PWWP3A: variants seen among roughly 807,000 people sequenced by gnomAD.
The protein encoded by PWWP3A is PWWP domain containing 3A, DNA repair factor, also known as PWWP domain-containing DNA repair factor 3A.
Under a neutral mutation model 79.0 loss-of-function variants are expected in PWWP3A, and 53 were observed. That is an observed-to-expected ratio of 0.67 (90% CI 0.54 to 0.84). The LOEUF (loss-of-function observed/expected upper bound fraction) is 0.84. Ranked by LOEUF, PWWP3A falls within the 40% of genes least tolerant of loss-of-function variation. PWWP3A has a pLI of 0.00. For synonymous variants in PWWP3A, 443 were observed against 394.4 expected, an observed-to-expected ratio of 1.12 and a Z score of -1.46; for missense variants, 973 against 948.0, an observed-to-expected ratio of 1.03 and a Z score of -0.35.
At chr19:1,375,842 G>C (rs2079914916) in intron 13 of PWWP3A, among the ~76,000 whole-genome samples, 1 of 134,242 alleles carries the variant, frequency 7.4e-6, no homozygotes, top group Non-Finnish European at 1.6e-5. Context: ...GTCTTGCTCT[G>C]TCACCCAGGC....
At position 1,369,298 on chromosome 19, in the gene PWWP3A, G is replaced by A. The variant is rs777539075; in HGVS notation, c.1456G>A (p.Gly486Ser). ...QAREDFNQDI[G>S]WCVSLITDYR... ...CAGGGAGGACTTCAACCAGGACATC[G>A]GCTGGTGTGTCTCCCTCATCACCGA... The change falls in exon 10 of 14, where the codon GGC becomes AGC. Residue 486 changes from glycine to serine, a missense_variant. Coordinates refer to ENST00000591337, the MANE Select transcript of PWWP3A (RefSeq NM_001369789.1). This position sits in a 1 kb window ranked among gnomAD's most constrained non-coding sequence, Gnocchi z 4.0. 1.2e-5 allele frequency: 20 copies of A among 1,614,068 alleles called. No homozygotes were observed. The Admixed American group carries it at 1.8e-4, about 15-fold the overall frequency.
At chr19:1,362,415 C>A in intron 6 of PWWP3A, 64 bp downstream of exon 6, 1 of 1,318,196 alleles carries the variant, frequency 7.6e-7, no homozygotes, top group Non-Finnish European at 1.1e-6. Flanking sequence ...GGCGGCGGGG[C>A]TCCGAGACCG....
chr19:1,362,364 CAG>C lies in PWWP3A; in HGVS notation c.1213+14_1213+15del, dbSNP rs781239030. ...CTTTTATACCACGGTAAGAAATGAT[CAG>C]GGGGCGCCGGCAGTCCTAACGGTGC... is the stretch of plus-strand genomic sequence containing the variant. On this transcript the variant is annotated intron_variant, in intron 6 of 13. Coordinates refer to ENST00000591337, the MANE Select transcript of PWWP3A (RefSeq NM_001369789.1). 2.5e-6 allele frequency: 4 copies of C among 1,607,940 alleles called. No homozygotes were observed. Among genetic ancestry groups the C allele is most frequent in the Non-Finnish European group, 1.7e-6 (2 of 1,175,710 alleles).
In PWWP3A at chr19:1,361,045, C is replaced by T. The variant is rs372987509; in HGVS notation, c.1111+13C>T. 7.0e-5 allele frequency: 99 copies of T among 1,423,030 alleles called. No homozygotes were observed. In the African/African-American group the frequency reaches 1.1e-3, roughly 16 times the overall value. The allele number at this position is 1,423,030 out of a possible 1,614,324, so 88.2% of individuals were successfully genotyped here. A position where few individuals can be genotyped will look rare whatever the true frequency, so the allele number is the denominator to read the frequency against. The stretch of plus-strand genomic sequence containing the variant: ...AAGCTGGAGAAAGGTAAAAGTTTCT[C>T]GTGGAGGAGGAGAGCGCAGAGGGTG... On this transcript the variant is annotated intron_variant, in intron 5 of 13. Transcript: ENST00000591337.
At chr19:1,371,237 T>A in intron 12 of PWWP3A, 159 bp downstream of exon 12, 2 of 847,934 alleles carry the variant, frequency 2.4e-6, no homozygotes, top group South Asian at 2.8e-5. Context: ...CTGTCAGTGC[T>A]GGGAAATGCG....
intron 11 of PWWP3A, among the ~76,000 whole-genome samples, chr19:1,370,092 G>C (rs748868002): frequency 4.6e-5 from 7 of 152,228 alleles, no homozygotes; most frequent in Non-Finnish European, 8.8e-5. Context: ...AATGAGCTGG[G>C]CGTGTGGCTT....
rs917428827 is a variant in PWWP3A at position 1,369,766 on chromosome 19, A to G, written c.1549+120A>G. On this transcript the variant is annotated intron_variant, in intron 11 of 13. Coordinates refer to ENST00000591337, the MANE Select transcript of PWWP3A (RefSeq NM_001369789.1). The surrounding 1 kb of genome is among the most constrained non-coding windows in gnomAD (Gnocchi z 4.0). ...GGGTCAAGGCACTGTCCGCAGCCAC[A>G]CAGCATTGTTCAACCTCTATGAGGT... 1 of 1,127,136 alleles carries G rather than the reference A, an allele frequency of 8.9e-7. No individual in the cohort carries two copies. Among genetic ancestry groups the G allele is most frequent in the Non-Finnish European group, 1.4e-6 (1 of 740,134 alleles). 69.8% of individuals were successfully genotyped at this position (1,127,136 alleles called of 1,614,324 possible). A position where few individuals can be genotyped will look rare whatever the true frequency, so the allele number is the denominator to read the frequency against.
chr19:1,372,891 T>C (rs897551187), intron 12 of PWWP3A, 181 bp from the exon 13 acceptor site: 9 of 589,206 alleles, frequency 1.5e-5, no homozygotes, highest in African/African-American at 9.3e-5. Context: ...CTGATTTAAT[T>C]AAGAAACATC....
chr19:1,375,573 T>TGTATATA (rs1491356986), intron 13 of PWWP3A, among the ~76,000 whole-genome samples: 3 of 124,856 alleles, frequency 2.4e-5, no homozygotes, highest in East Asian at 2.0e-4. Context: ...TAAAATATAT[T>TGTATATA]ATATATAAAA....
rs979375743 is a variant in PWWP3A, at chr19:1,361,009, C to T, written c.1088C>T (p.Pro363Leu). 27 of 1,430,852 alleles carry T rather than the reference C, an allele frequency of 1.9e-5. No homozygotes were observed. Among genetic ancestry groups the T allele is most frequent in the Admixed American group, 9.5e-5 (3 of 31,470 alleles). The allele number at this position is 1,430,852 out of a possible 1,614,324, so 88.6% of individuals were successfully genotyped here. A position where few individuals can be genotyped will look rare whatever the true frequency, so the allele number is the denominator to read the frequency against. ...GATGCAACCAGATGTCTTCCTTGCC[C>T]GGATTCCCAGAAGCTGGAGAAAGGT... ...SADATRCLPC[P>L]DSQKLEKECQ... The change falls in exon 5 of 14, where the codon CCG (proline) becomes CTG (leucine). Residue 363 changes from proline to leucine, a missense_variant. Physicochemically the swap from Pro to Leu is moderately conservative, Grantham distance 98 (BLOSUM62 -3). Transcript: ENST00000591337.
intron 12 of PWWP3A, 101 bp downstream of exon 12, chr19:1,371,179 T>C (rs757843131): frequency 1.4e-6 from 2 of 1,401,836 alleles, no homozygotes; most frequent in Non-Finnish European, 2.0e-6. Flanking sequence ...CCCTGCTCCC[T>C]GGCCGTTCGG....
At chr19:1,367,284 C>G (rs545355867) in intron 9 of PWWP3A, 64 bp downstream of exon 9, 4 of 1,342,972 alleles carry the variant, frequency 3.0e-6, no homozygotes, top group Admixed American at 1.8e-5. Flanking sequence ...AATATGTCCT[C>G]TGTGTGTAGC....
chr19:1,365,631 C>G (rs896909169), intron 7 of PWWP3A, among the ~76,000 whole-genome samples: 2 of 152,216 alleles, frequency 1.3e-5, no homozygotes, highest in South Asian at 4.1e-4. Flanking sequence ...AGATGGAGGC[C>G]GGGCTTCTGG....
chr19:1,373,235 G>T, intron 13 of PWWP3A, 75 bp downstream of exon 13: 1 of 1,358,416 alleles, frequency 7.4e-7, no homozygotes. Flanking sequence ...CCCACAGGCA[G>T]TTTGACTCCA....
At chr19:1,364,341 T>C (rs2082084459) in intron 6 of PWWP3A, among the ~76,000 whole-genome samples, 168 bp from the exon 7 acceptor site, 1 of 152,228 alleles carries the variant, frequency 6.6e-6, no homozygotes, top group Admixed American at 6.5e-5. Flanking sequence ...GTGTGGGGTA[T>C]GTGAATCTGC....
Position 1,371,024 on chromosome 19 carries a change from C to T in PWWP3A, c.1932C>T (p.Leu644=). The change falls in exon 12 of 14, where the codon CTC becomes CTT. Residue 644 remains leucine (L), a synonymous_variant. Transcript: ENST00000591337. The part of the protein sequence containing the change: ...GVYQEVGAKV[L]QRTNGDRIRF... ...ACCAGGAGGTGGGGGCCAAGGTGCT[C>T]CAGCGCACCAACGGCGACCGGATCC... The T allele has an allele frequency of 6.3e-7, 1 of 1,575,040 alleles. No homozygotes were observed. Among genetic ancestry groups the T allele is most frequent in the Non-Finnish European group, 8.6e-7 (1 of 1,160,120 alleles).
chr19:1,375,831 A>T (rs2082378350), intron 13 of PWWP3A, among the ~76,000 whole-genome samples: 1 of 137,704 alleles, frequency 7.3e-6, no homozygotes, highest in Non-Finnish European at 1.5e-5. Context: ...TTTGAGACAG[A>T]GTCTTGCTCT....
At chr19:1,373,464 C>T in intron 13 of PWWP3A, 1 of 408,596 alleles carries the variant, frequency 2.4e-6, no homozygotes, top group South Asian at 3.1e-5. Context: ...GCTTTTTGCA[C>T]TTTCCTCCCC....
intron 4 of PWWP3A, 103 bp downstream of exon 4, chr19:1,358,567 C>T: frequency 6.2e-7 from 1 of 1,601,414 alleles, no homozygotes; most frequent in Middle Eastern, 1.7e-4. Flanking sequence ...ACCCTGTTCA[C>T]CATGTTTTTC....
Sources: allele counts gnomAD v4.1 joint callset (sites outside exome capture counted in the v4.1 genomes callset), GRCh38; gene constraint gnomAD v4.1.1; non-coding constraint Gnocchi (gnomAD v3.1); transcripts MANE v1.5; gene names NCBI Gene and HGNC (gene_info 2026-07-23, HGNC 2026-07-21).